BEND6: variants seen among roughly 807,000 people sequenced by gnomAD.
BEND6 encodes the protein BEN domain containing 6, also known as BEN domain-containing protein 6.
In BEND6, 24 loss-of-function variants were observed where a neutral mutation model predicts 31.8. The observed-to-expected ratio is 0.75, with a 90% CI of 0.55 to 1.06. BEND6 has a LOEUF of 1.06. BEND6 is among the 50% of genes least tolerant of loss of function. BEND6 has a pLI of 0.00. For missense variants in BEND6, 294 were observed against 327.4 expected, an observed-to-expected ratio of 0.90 and a Z score of 0.79; for synonymous variants, 109 against 114.6, an observed-to-expected ratio of 0.95 and a Z score of 0.31.
chr6:57,018,269 C>A, intron 5 of BEND6, 152 bp from the exon 6 acceptor site: 1 of 678,698 alleles, frequency 1.5e-6, no homozygotes, highest in African/African-American at 1.9e-5. Context: ...CCTATATATT[C>A]ATCTGTTTAA....
intron 6 of BEND6, among the ~76,000 whole-genome samples, chr6:57,021,389 A>G (rs76539132): frequency 0.11 from 16,529 of 152,168 alleles, 1,155 homozygotes; most frequent in Middle Eastern, 0.19. Context: ...TGAAAAACTT[A>G]CTTTTCTAGC....
chr6:56,976,041 A>G, intron 1 of BEND6: 1 of 441,394 alleles, frequency 2.3e-6, no homozygotes, highest in South Asian at 2.1e-5. Context: ...CACTAAGAAC[A>G]GGACACGATA....
At chr6:57,019,099 C>T (rs1327933075) in intron 6 of BEND6, among the ~76,000 whole-genome samples, 6 of 152,172 alleles carry the variant, frequency 3.9e-5, no homozygotes, top group South Asian at 2.1e-4. Flanking sequence ...CATGTTGCTT[C>T]GCATGGTCTT....
intron 2 of BEND6, among the ~76,000 whole-genome samples, chr6:56,988,540 CTATA>C (rs1271296378): frequency 1.3e-5 from 2 of 152,118 alleles, no homozygotes; most frequent in Admixed American, 1.3e-4. Context: ...AAGATATTCT[CTATA>C]TATTGCCTCA....
At chr6:56,997,830 G>C (rs753974427) in intron 3 of BEND6, among the ~76,000 whole-genome samples, 3 of 152,124 alleles carry the variant, frequency 2.0e-5, no homozygotes, top group Non-Finnish European at 4.4e-5. Context: ...GGGATTACAG[G>C]CATGAGCTAC....
At chr6:56,985,760 C>A (rs1826245116) in intron 2 of BEND6, among the ~76,000 whole-genome samples, 2 of 152,258 alleles carry the variant, frequency 1.3e-5, no homozygotes, top group African/African-American at 4.8e-5. Context: ...GTCCATTTTT[C>A]TATTAGGTTT....
At chr6:56,968,968 G>A (rs553116819) in intron 1 of BEND6, among the ~76,000 whole-genome samples, 152 of 151,984 alleles carry the variant, frequency 1.0e-3, no homozygotes, top group Middle Eastern at 3.4e-3. Flanking sequence ...CTAGCTACTC[G>A]GGAGGCTGAG....
chr6:56,992,632 C>T (rs1826549503), intron 3 of BEND6, 77 bp downstream of exon 3: 5 of 1,433,940 alleles, frequency 3.5e-6, no homozygotes, highest in Non-Finnish European at 4.7e-6. Flanking sequence ...AATTAGCTGT[C>T]AAGAATGAAG....
In BEND6 at chr6:56,992,476, A is replaced by T. The variant is rs775360572; in HGVS notation, c.219A>T (p.Lys73Asn). ...AELSKEELCA[K>N]IKSLKEKLTN... ...TGTCAAAGGAAGAATTGTGCGCCAA[A>T]ATAAAAAGCCTGAAAGAAAAACTAA... is the stretch of plus-strand genomic sequence containing the variant. Residue 73 changes from lysine (K) to asparagine (N), a missense_variant, in exon 3 of 7, where the codon AAA becomes AAT. Physicochemically the swap from Lys to Asn is moderately conservative, Grantham distance 94. Transcript: ENST00000370746. 4.3e-6 allele frequency: 7 copies of T among 1,614,116 alleles called. No individual in the cohort carries two copies. The highest frequency in any genetic ancestry group is 5.9e-6 in the Non-Finnish European group (7 of 1,180,048).
chr6:57,020,434 T>C (rs1827701938), intron 6 of BEND6, among the ~76,000 whole-genome samples: 1 of 152,146 alleles, frequency 6.6e-6, no homozygotes, highest in South Asian at 2.1e-4. Context: ...TTATTTTTCA[T>C]TTTTGAAACG....
intron 3 of BEND6, chr6:57,009,512 T>A (rs901526579): frequency 6.6e-6 from 1 of 152,220 alleles, no homozygotes; most frequent in South Asian, 2.1e-4. Flanking sequence ...AGCAATTAGA[T>A]GTGCCCTTGT....
intron 3 of BEND6, among the ~76,000 whole-genome samples, chr6:56,997,475 G>A (rs563955908): frequency 6.6e-6 from 1 of 152,298 alleles, no homozygotes; most frequent in Admixed American, 6.5e-5. Context: ...TAGTAAAGTT[G>A]GCAATTGACT....
rs932714349 is a variant in BEND6 at position 57,026,509 on chromosome 6, G to A, written c.*437G>A. ...CAGTGACTTCCCATTATAGTTTTTG[G>A]ATCTTTAGCATAAGCACATGCTTGC... On this transcript the variant is annotated 3_prime_UTR_variant, in exon 7 of 7. Coordinates refer to ENST00000370746, the MANE Select transcript of BEND6 (RefSeq NM_152731.3). 1 of 152,060 alleles carries A rather than the reference G, an allele frequency of 6.6e-6. No individual in the cohort carries two copies. The highest frequency in any genetic ancestry group is 1.5e-5 in the Non-Finnish European group (1 of 68,022). 9.4% of individuals were successfully genotyped at this position (152,060 alleles called of 1,614,324 possible).
At chr6:56,961,704 T>C (rs1273820231) in intron 1 of BEND6, among the ~76,000 whole-genome samples, 2 of 152,124 alleles carry the variant, frequency 1.3e-5, no homozygotes, top group African/African-American at 4.8e-5. Context: ...CAAAAGGAAT[T>C]AGTATTAGGT....
At chr6:56,957,169 T>G (rs901616479) in intron 1 of BEND6, among the ~76,000 whole-genome samples, 4 of 152,212 alleles carry the variant, frequency 2.6e-5, no homozygotes, top group African/African-American at 9.7e-5. Context: ...TTAGCACAAC[T>G]GTTATCATCC....
At chr6:56,992,841 G>A (rs1036487620) in intron 3 of BEND6, among the ~76,000 whole-genome samples, 13 of 151,906 alleles carry the variant, frequency 8.6e-5, no homozygotes, top group African/African-American at 2.9e-4. Flanking sequence ...TAATATACAC[G>A]ACTCACAGTG....
At chr6:56,989,882 T>C (rs1826427295) in intron 2 of BEND6, among the ~76,000 whole-genome samples, 1 of 152,244 alleles carries the variant, frequency 6.6e-6, no homozygotes, top group Non-Finnish European at 1.5e-5. Flanking sequence ...TGTGCCTTAA[T>C]GAAGAAAATT....
intron 6 of BEND6, among the ~76,000 whole-genome samples, chr6:57,024,315 CT>C (rs1220717260): frequency 5.3e-5 from 8 of 152,054 alleles, no homozygotes; most frequent in Non-Finnish European, 1.0e-4. Context: ...GGTTTTATAC[CT>C]TCAGATGTTT....
intron 6 of BEND6, among the ~76,000 whole-genome samples, chr6:57,023,294 T>C (rs946457979): frequency 1.3e-5 from 2 of 152,214 alleles, no homozygotes; most frequent in Admixed American, 6.5e-5. Flanking sequence ...CTTTATATAC[T>C]TGGGAGCTCT....
Sources: allele counts gnomAD v4.1 joint callset (sites outside exome capture counted in the v4.1 genomes callset), GRCh38; gene constraint gnomAD v4.1.1; transcripts MANE v1.5; gene names NCBI Gene and HGNC (gene_info 2026-07-23, HGNC 2026-07-21).